Variants in SERPINI1 observed in about 807,000 individuals in gnomAD.
The protein encoded by SERPINI1 is serpin family I member 1, also known as neuroserpin.
Under a neutral mutation model 41.1 loss-of-function variants are expected in SERPINI1, and 19 were observed. That is an observed-to-expected ratio of 0.46 (90% confidence interval 0.32 to 0.68). The LOEUF (loss-of-function observed/expected upper bound fraction) is 0.68, where lower values mean the gene tolerates loss of function less well. Among genes scored for constraint, SERPINI1 ranks in the 30% least tolerant of loss-of-function variants. The pLI, the probability that SERPINI1 is intolerant of heterozygous loss-of-function variation, is 0.03. For synonymous variants in SERPINI1, 138 were observed against 156.6 expected (o/e 0.88, Z 0.89); for missense variants, 460 against 479.2 (o/e 0.96, Z 0.37).
At chr3:167,740,444 T>A (rs914357893) in intron 1 of SERPINI1, among the ~76,000 whole-genome samples, 8 of 152,252 alleles carry the variant, frequency 5.3e-5, no homozygotes, top group Non-Finnish European at 8.8e-5. Flanking sequence ...TCATTGACGT[T>A]TGTATTCATT....
intron 1 of SERPINI1, among the ~76,000 whole-genome samples, chr3:167,756,305 C>T (rs944461797): frequency 1.3e-5 from 2 of 151,858 alleles, no homozygotes; most frequent in Non-Finnish European, 2.9e-5. Context: ...ACCCAACCCC[C>T]ACATTTTTTG....
intron 7 of SERPINI1, 128 bp from the exon 8 acceptor site, chr3:167,824,345 C>A: frequency 1.5e-6 from 1 of 674,158 alleles, no homozygotes; most frequent in Admixed American, 2.5e-5. Context: ...CCAGTTAAGT[C>A]TTTAAAATCT....
intron 2 of SERPINI1, among the ~76,000 whole-genome samples, chr3:167,789,804 A>G (rs141308796): frequency 5.1e-4 from 77 of 152,288 alleles, no homozygotes; most frequent in African/African-American, 1.8e-3. Flanking sequence ...AATAGCATCC[A>G]AGATTTTTTT....
intron 1 of SERPINI1, among the ~76,000 whole-genome samples, chr3:167,747,832 A>G (rs1284606519): frequency 2.0e-5 from 3 of 152,186 alleles, no homozygotes; most frequent in Non-Finnish European, 2.9e-5. Context: ...AATGTAGAAT[A>G]AAAAATTCAT....
At chr3:167,765,931 G>A (rs777257246) in intron 1 of SERPINI1, among the ~76,000 whole-genome samples, 21 of 151,988 alleles carry the variant, frequency 1.4e-4, no homozygotes, top group Non-Finnish European at 2.5e-4. Flanking sequence ...TTCCCAATAA[G>A]CTCATCTCCA....
intron 4 of SERPINI1, among the ~76,000 whole-genome samples, chr3:167,793,530 G>T (rs1449876400): frequency 2.0e-5 from 3 of 150,728 alleles, no homozygotes; most frequent in Admixed American, 1.3e-4. Flanking sequence ...TTGAAGCCAG[G>T]AGTTCGGACT....
intron 1 of SERPINI1, among the ~76,000 whole-genome samples, chr3:167,755,620 A>T (rs1339443209): frequency 6.6e-6 from 1 of 152,188 alleles, no homozygotes; most frequent in Admixed American, 6.5e-5. Flanking sequence ...TTGAAATTAC[A>T]ATAAATGTAA....
chr3:167,813,577 A>G (rs1164039207), intron 6 of SERPINI1, among the ~76,000 whole-genome samples: 1 of 152,202 alleles, frequency 6.6e-6, no homozygotes, highest in East Asian at 1.9e-4. Flanking sequence ...TGAAAGGTCG[A>G]CACATCAGAG....
At chr3:167,770,435 A>G (rs1048706376) in intron 1 of SERPINI1, among the ~76,000 whole-genome samples, 7 of 152,086 alleles carry the variant, frequency 4.6e-5, no homozygotes, top group Non-Finnish European at 8.8e-5. Flanking sequence ...ATAGTAGATT[A>G]TATTTCGAAC....
At chr3:167,788,411 G>A (rs1221400283) in intron 1 of SERPINI1, among the ~76,000 whole-genome samples, 1 of 152,302 alleles carries the variant, frequency 6.6e-6, no homozygotes, top group South Asian at 2.1e-4. Flanking sequence ...ACATAAGCCT[G>A]AATATAAATG....
At chr3:167,803,173 G>A (rs1055140094) in intron 5 of SERPINI1, among the ~76,000 whole-genome samples, 1 of 151,806 alleles carries the variant, frequency 6.6e-6, no homozygotes, top group Non-Finnish European at 1.5e-5. Flanking sequence ...TATACCTAAT[G>A]CTAGATGACG....
chr3:167,822,904 C>A (rs1317612262), intron 6 of SERPINI1, 82 bp from the exon 7 acceptor site: 5 of 779,614 alleles, frequency 6.4e-6, no homozygotes, highest in Non-Finnish European at 1.2e-5. Flanking sequence ...TCTCTTAGAT[C>A]TCTAAAATCC....
In SERPINI1 at chr3:167,824,516, T is replaced by C; in HGVS notation, c.1110T>C (p.Val370=). 1.2e-6 allele frequency: 2 copies of C among 1,613,690 alleles called. No individual in the cohort carries two copies. Among genetic ancestry groups the C allele is most frequent in the Non-Finnish European group, 1.7e-6 (2 of 1,179,760 alleles). Residue 370 remains valine (V), a synonymous_variant, in exon 8 of 9, where the codon GTT becomes GTC. Coordinates refer to ENST00000446050, the MANE Select transcript of SERPINI1 (RefSeq NM_001122752.2). ...ISRMAVLYPQ[V]IVDHPFFFLI... Reference sequence around the variant, plus strand: ...GGATGGCTGTGCTGTATCCTCAAGTTATTGTCGACCATCCATTTTTCTTTC... The same window carrying C: ...GGATGGCTGTGCTGTATCCTCAAGTCATTGTCGACCATCCATTTTTCTTTC...
chr3:167,767,210 T>C (rs1395951371), intron 1 of SERPINI1, among the ~76,000 whole-genome samples: 5 of 152,198 alleles, frequency 3.3e-5, no homozygotes, highest in African/African-American at 4.8e-5. Context: ...CACTTAAGAA[T>C]TATGCTAAAT....
At chr3:167,741,269 C>A (rs1725669957) in intron 1 of SERPINI1, among the ~76,000 whole-genome samples, 1 of 152,168 alleles carries the variant, frequency 6.6e-6, no homozygotes, top group South Asian at 2.1e-4. Context: ...CATTTAATAA[C>A]CTTATTTTGT....
At chr3:167,807,828 A>G (rs13064973) in intron 6 of SERPINI1, among the ~76,000 whole-genome samples, 18,206 of 152,154 alleles carry the variant, frequency 0.12, 1,464 homozygotes, top group Non-Finnish European at 0.17. Context: ...AAAATAAATA[A>G]ACAGTGGGCT....
At chr3:167,745,080 T>G (rs2055026) in intron 1 of SERPINI1, among the ~76,000 whole-genome samples, 42,162 of 150,624 alleles carry the variant, frequency 0.28, 6,735 homozygotes, top group African/African-American at 0.44. Flanking sequence ...GGCAAAAGAT[T>G]AGATAACCTA....
Position 167,757,557 on chromosome 3 carries a change from T to C in SERPINI1, c.-19+21734T>C, listed in dbSNP as rs376292277. Reference sequence around the variant, plus strand: ...AAAATATATATTACACTATTAGATATAGTCATTGAACTTGTAATCATACTC... The same window carrying C: ...AAAATATATATTACACTATTAGATACAGTCATTGAACTTGTAATCATACTC... On this transcript the variant is annotated intron_variant, in intron 1 of 8. Coordinates refer to ENST00000446050, the MANE Select transcript of SERPINI1 (RefSeq NM_001122752.2). Among the ~76,000 whole-genome samples the C allele has an allele frequency of 5.3e-5, 8 of 152,242 alleles. No individual in the cohort carries two copies. In the East Asian group the frequency reaches 5.8e-4, roughly 11 times the overall value.
rs534090526 is a variant in SERPINI1, at chr3:167,778,059, TC to T, written c.-18-11051del. Among the ~76,000 whole-genome samples, 19 of 152,316 alleles carry T rather than the reference TC, an allele frequency of 1.2e-4. No homozygotes were observed. In the South Asian group the frequency reaches 3.7e-3, roughly 30 times the overall value. Reference sequence around the variant, plus strand: ...GCCATGCTCTTGGACTTCCCAGCATTCAGAATCATTTGCCAAATAAACTTCT... The same window carrying T: ...GCCATGCTCTTGGACTTCCCAGCATTAGAATCATTTGCCAAATAAACTTCT... On this transcript the variant is annotated intron_variant, in intron 1 of 8. Transcript: ENST00000446050.
Sources: gnomAD v4.1 joint callset for allele counts (sites outside exome capture counted in the v4.1 genomes callset) on GRCh38, gnomAD v4.1.1 for gene constraint, MANE v1.5 for transcripts, NCBI Gene and HGNC (gene_info 2026-07-23, HGNC 2026-07-21) for gene names.